Variants in MYOCD observed in about 807,000 individuals in gnomAD.
MYOCD encodes myocardin.
In MYOCD, 32 loss-of-function variants were observed where a neutral mutation model predicts 96.1. The ratio of observed to expected loss-of-function variants is 0.33; its 90% CI spans 0.25 to 0.45. The LOEUF (loss-of-function observed/expected upper bound fraction) is 0.45. Ranked by LOEUF, MYOCD falls within the 20% of genes least tolerant of loss-of-function variation. MYOCD has a pLI of 1.00. For missense variants in MYOCD, 1,133 were observed against 1,200.6 expected (o/e 0.94, Z 0.83); for synonymous variants, 469 against 469.0 (o/e 1.00, Z 0.00).
At chr17:12,694,331 A>G (rs1253273564) in intron 1 of MYOCD, among the ~76,000 whole-genome samples, 1 of 152,158 alleles carries the variant, frequency 6.6e-6, no homozygotes, top group Non-Finnish European at 1.5e-5. Flanking sequence ...CACCAAGCAT[A>G]AGGCCAGTGG....
At chr17:12,742,647 T>C (rs1309629413) in intron 7 of MYOCD, among the ~76,000 whole-genome samples, 2 of 152,042 alleles carry the variant, frequency 1.3e-5, no homozygotes, top group Non-Finnish European at 2.9e-5. Flanking sequence ...CTCGGCTTAC[T>C]GCAACCTCCA....
chr17:12,699,419 C>A (rs1196914957), intron 1 of MYOCD, among the ~76,000 whole-genome samples: 1 of 152,214 alleles, frequency 6.6e-6, no homozygotes, highest in Non-Finnish European at 1.5e-5. Flanking sequence ...CCACCATGCC[C>A]AGCCTTCTTT....
At chr17:12,678,492 T>C (rs1469651864) in intron 1 of MYOCD, among the ~76,000 whole-genome samples, 2 of 152,044 alleles carry the variant, frequency 1.3e-5, no homozygotes, top group Non-Finnish European at 2.9e-5. Context: ...CCAGATCCTC[T>C]TCTCTTATAA....
intron 1 of MYOCD, among the ~76,000 whole-genome samples, chr17:12,696,063 G>C (rs1307844789): frequency 6.6e-6 from 1 of 151,970 alleles, no homozygotes; most frequent in Non-Finnish European, 1.5e-5. Flanking sequence ...TGTTGTTGTT[G>C]TTGTTGTTGT....
At position 12,722,832 on chromosome 17, in the gene MYOCD, A is replaced by G; in HGVS notation, c.254-15A>G. 4 of 1,598,706 alleles carry G rather than the reference A, an allele frequency of 2.5e-6. No individual in the cohort carries two copies. Among genetic ancestry groups the G allele is most frequent in the Non-Finnish European group, 3.4e-6 (4 of 1,174,342 alleles). ...TCAAATTCTAGAACTGATCCTTTTCATTTCAACCCTTTAGCTTCCACTGCA... is the reference window on the plus strand; with the variant it reads ...TCAAATTCTAGAACTGATCCTTTTCGTTTCAACCCTTTAGCTTCCACTGCA... On this transcript the variant is annotated splice_polypyrimidine_tract_variant and intron_variant, in intron 4 of 13. Transcript: ENST00000425538.
intron 1 of MYOCD, among the ~76,000 whole-genome samples, chr17:12,673,521 G>A (rs1909832117): frequency 6.6e-6 from 1 of 152,094 alleles, no homozygotes; most frequent in Admixed American, 6.6e-5. Flanking sequence ...CCCCAAGTGA[G>A]TATATAGTAA....
At chr17:12,682,184 A>G (rs1910508345) in intron 1 of MYOCD, among the ~76,000 whole-genome samples, 2 of 152,158 alleles carry the variant, frequency 1.3e-5, no homozygotes, top group South Asian at 4.1e-4. Flanking sequence ...AACATGTCAG[A>G]CCCACAGATG....
intron 4 of MYOCD, among the ~76,000 whole-genome samples, chr17:12,718,178 A>G (rs1252983137): frequency 6.6e-6 from 1 of 152,206 alleles, no homozygotes; most frequent in Non-Finnish European, 1.5e-5. Flanking sequence ...TCAACGATGA[A>G]TAAGACACAG....
Position 12,715,527 on chromosome 17 carries a change from C to G in MYOCD, c.130C>G (p.Arg44Gly), listed in dbSNP as rs148520894. Residue 44 changes from arginine to glycine, a missense_variant, in exon 3 of 14, where the codon CGT becomes GGT. Physicochemically the swap from Arg to Gly is moderately radical, Grantham distance 125 (BLOSUM62 -2). Coordinates refer to ENST00000425538, the MANE Select transcript of MYOCD (RefSeq NM_001146312.3). ...ANQGIIPPLK[R>G]PAEFHEQRKH... ...TTGTGTTTCTGTTTCAGCACTGAAA[C>G]GTCCAGCTGAATTCCATGAGCAAAG... 6.2e-7 allele frequency: 1 copy of G among 1,613,320 alleles called. No homozygotes were observed. The highest frequency in any genetic ancestry group is 1.3e-5 in the African/African-American group (1 of 74,918).
intron 1 of MYOCD, among the ~76,000 whole-genome samples, chr17:12,684,375 G>A (rs963666080): frequency 2.0e-5 from 3 of 152,132 alleles, no homozygotes; most frequent in Non-Finnish European, 2.9e-5. Context: ...AAAGTGGAAC[G>A]TAGCATCCAT....
chr17:12,711,546 A>G (rs2031480003), intron 2 of MYOCD, among the ~76,000 whole-genome samples: 1 of 152,244 alleles, frequency 6.6e-6, no homozygotes, highest in Non-Finnish European at 1.5e-5. Context: ...TTAATGGTAT[A>G]TAAATTTACC....
chr17:12,741,127 A>T (rs1261422785), intron 7 of MYOCD, among the ~76,000 whole-genome samples: 1 of 152,148 alleles, frequency 6.6e-6, no homozygotes, highest in African/African-American at 2.4e-5. Flanking sequence ...CTCTTACGGG[A>T]CTTAAAAAAG....
rs1479400418 is a variant in MYOCD at position 12,752,623 on chromosome 17, C to T, written c.1335C>T (p.Gly445=). The T allele has an allele frequency of 2.5e-6, 4 of 1,614,006 alleles. No individual in the cohort carries two copies. The Admixed American group carries it at 5.0e-5, about 20-fold the overall frequency. The change falls in exon 10 of 14, where the codon GGC becomes GGT. Residue 445 remains glycine, a synonymous_variant. Transcript: ENST00000425538. The part of the protein sequence containing the change: ...SSSSTSALSN[G]FYHFGSTSSS... ...CTTCTACCAGTGCCCTGTCCAACGG[C>T]TTCTACCACTTTGGCAGCACCAGCT... is the stretch of plus-strand genomic sequence containing the variant.
intron 5 of MYOCD, among the ~76,000 whole-genome samples, chr17:12,734,626 T>TG (rs1479614991): frequency 1.4e-5 from 2 of 146,698 alleles, no homozygotes; most frequent in African/African-American, 5.0e-5. Context: ...TTCTCCTGCC[T>TG]CAGCCTCCGG....
intron 2 of MYOCD, among the ~76,000 whole-genome samples, chr17:12,713,851 C>A (rs1262661074): frequency 2.0e-5 from 3 of 152,124 alleles, no homozygotes; most frequent in Non-Finnish European, 2.9e-5. Flanking sequence ...ACGTTAATTT[C>A]TCAGAATCAC....
intron 1 of MYOCD, among the ~76,000 whole-genome samples, chr17:12,699,835 G>A (rs2030971615): frequency 1.3e-5 from 2 of 150,466 alleles, no homozygotes; most frequent in Non-Finnish European, 3.0e-5. Flanking sequence ...TGTATTTCTT[G>A]CAACATATCC....
At chr17:12,683,486 TTCTC>T (rs1297848860) in intron 1 of MYOCD, among the ~76,000 whole-genome samples, 1 of 152,072 alleles carries the variant, frequency 6.6e-6, no homozygotes, top group Non-Finnish European at 1.5e-5. Flanking sequence ...CTCCCGCTCC[TTCTC>T]TCTGTCTCTC....
At chr17:12,743,486 C>CT (rs373893604) in intron 7 of MYOCD, among the ~76,000 whole-genome samples, 1,308 of 98,242 alleles carry the variant, frequency 0.013, 6 homozygotes, top group East Asian at 0.022. Context: ...TATGAAAGTT[C>CT]TTTTTTTTTT....
In MYOCD at chr17:12,722,928, T is replaced by C; in HGVS notation, c.335T>C (p.Ile112Thr). The change falls in exon 5 of 14, where the codon ATT (isoleucine) becomes ACT (threonine). Residue 112 changes from isoleucine to threonine, a missense_variant. Coordinates refer to ENST00000425538, the MANE Select transcript of MYOCD (RefSeq NM_001146312.3). ...ARLADDLNEK[I>T]ALRPGPLELV... The stretch of plus-strand genomic sequence containing the variant: ...CTCGCCGATGATCTCAATGAAAAAA[T>C]TGCTCTACGACCAGGGCCACTGGAG... The C allele has an allele frequency of 6.2e-7, 1 of 1,613,990 alleles. No individual in the cohort carries two copies. The highest frequency in any genetic ancestry group is 8.5e-7 in the Non-Finnish European group (1 of 1,179,968).
Sources: gnomAD v4.1 joint callset for allele counts (sites outside exome capture counted in the v4.1 genomes callset) on GRCh38, gnomAD v4.1.1 for gene constraint, MANE v1.5 for transcripts, NCBI Gene and HGNC (gene_info 2026-07-23, HGNC 2026-07-21) for gene names.